LRRN2: variants seen among roughly 807,000 people sequenced by gnomAD.
LRRN2 encodes the protein leucine-rich repeat neuronal protein 2.
Under a neutral mutation model 35.7 loss-of-function variants are expected in LRRN2, and 10 were observed. That is an observed-to-expected ratio of 0.28 (90% CI 0.17 to 0.47). The LOEUF is 0.47. Ranked by LOEUF, LRRN2 falls within the 20% of genes least tolerant of loss-of-function variation. The probability of loss-of-function intolerance (pLI) is 0.99; values close to 1 mark genes in which losing one functional copy is unlikely to be tolerated. For missense variants in LRRN2, 731 were observed against 940.3 expected, an observed-to-expected ratio of 0.78 and a Z score of 2.91; for synonymous variants, 391 against 409.6, an observed-to-expected ratio of 0.95 and a Z score of 0.55.
In LRRN2 at chr1:204,619,710, G is replaced by GATTGGCC; in HGVS notation, c.276_282dup (p.Leu95GlyfsTer20). 2 of 1,614,218 alleles carry GATTGGCC rather than the reference G, an allele frequency of 1.2e-6. No homozygotes were observed. The highest frequency in any genetic ancestry group is 1.7e-6 in the Non-Finnish European group (2 of 1,180,008). On this transcript the variant is annotated frameshift_variant, in exon 2 of 2. Coordinates refer to ENST00000367177, the MANE Select transcript of LRRN2 (RefSeq NM_201630.2). LOFTEE classifies it high-confidence loss of function. ...TTCTGGGACAGGTCCAGCTCTGTGA[G>GATTGGCC]ATTGGCCAGGTAGCCCAGCTCACTC...
chr1:204,639,919 C>T (rs1667942345), intron 1 of LRRN2, among the ~76,000 whole-genome samples: 1 of 152,044 alleles, frequency 6.6e-6, no homozygotes, highest in African/African-American at 2.4e-5. Context: ...ATGTTACACA[C>T]ATACATACAC....
intron 1 of LRRN2, among the ~76,000 whole-genome samples, chr1:204,647,673 C>T (rs892726557): frequency 1.3e-5 from 2 of 152,044 alleles, no homozygotes; most frequent in Non-Finnish European, 2.9e-5. Context: ...GAAGCAAAGC[C>T]CAGATGGACG....
intron 1 of LRRN2, chr1:204,621,704 C>T (rs935284290): frequency 1.2e-5 from 2 of 167,112 alleles, no homozygotes; most frequent in African/African-American, 4.8e-5. Flanking sequence ...AGGAACCTAT[C>T]CAGTTTCTCT....
intron 1 of LRRN2, among the ~76,000 whole-genome samples, chr1:204,674,845 T>A (rs1668788694): frequency 6.6e-6 from 1 of 152,248 alleles, no homozygotes; most frequent in South Asian, 2.1e-4. Context: ...AGGTCAGGAC[T>A]GGAACTCAGA....
At chr1:204,641,916 A>G (rs1241245928) in intron 1 of LRRN2, among the ~76,000 whole-genome samples, 1 of 152,206 alleles carries the variant, frequency 6.6e-6, no homozygotes, top group African/African-American at 2.4e-5. Context: ...CCCACTCTCC[A>G]ATGCTGCAGG....
At chr1:204,681,500 C>T (rs1271283457) in intron 1 of LRRN2, among the ~76,000 whole-genome samples, 7 of 152,156 alleles carry the variant, frequency 4.6e-5, no homozygotes, top group Admixed American at 2.6e-4. Context: ...AGAGAGGTTA[C>T]GTGACCTGCT....
At chr1:204,648,734 A>G (rs1668162677) in intron 1 of LRRN2, among the ~76,000 whole-genome samples, 1 of 152,196 alleles carries the variant, frequency 6.6e-6, no homozygotes, top group Non-Finnish European at 1.5e-5. Flanking sequence ...AGAAATAAAT[A>G]AGACCCATCC....
rs1265023339 is a variant in LRRN2 at position 204,685,437 on chromosome 1, T to G, written c.-344A>C. ...GCGCCCTCCCGCCGCGCGCGCCGTCTGCACAGGCCGGGGAGGCTCGGCGGG... is the reference window on the plus strand; with the variant it reads ...GCGCCCTCCCGCCGCGCGCGCCGTCGGCACAGGCCGGGGAGGCTCGGCGGG... On this transcript the variant is annotated 5_prime_UTR_variant, in exon 1 of 2. Coordinates refer to ENST00000367177, the MANE Select transcript of LRRN2 (RefSeq NM_201630.2). 8 of 151,344 alleles carry G rather than the reference T, an allele frequency of 5.3e-5. No homozygotes were observed. The highest frequency in any genetic ancestry group is 1.0e-4 in the Non-Finnish European group (7 of 67,776). The allele number at this position is 151,344 out of a possible 1,614,324, so 9.4% of individuals were successfully genotyped here.
intron 1 of LRRN2, among the ~76,000 whole-genome samples, chr1:204,652,930 A>C (rs112809191): frequency 0.021 from 3,232 of 152,246 alleles, 103 homozygotes; most frequent in African/African-American, 0.06. Flanking sequence ...GGTCTTGCCT[A>C]TCCCACCAAC....
intron 1 of LRRN2, among the ~76,000 whole-genome samples, chr1:204,646,348 T>A (rs528371992): frequency 9.2e-5 from 14 of 152,288 alleles, no homozygotes; most frequent in Non-Finnish European, 1.9e-4. Context: ...TATTTTTCGT[T>A]TAGTTTTTAG....
intron 1 of LRRN2, among the ~76,000 whole-genome samples, chr1:204,625,931 C>G (rs770321819): frequency 4.6e-5 from 7 of 152,240 alleles, no homozygotes; most frequent in Non-Finnish European, 8.8e-5. Context: ...CCAGCATCCT[C>G]ATGGCCTGGG....
At chr1:204,633,217 AC>A (rs1164697887) in intron 1 of LRRN2, 5 of 152,314 alleles carry the variant, frequency 3.3e-5, no homozygotes, top group Non-Finnish European at 5.9e-5. Context: ...AGATGCTGGC[AC>A]CTTGTCTTGG....
intron 1 of LRRN2, among the ~76,000 whole-genome samples, chr1:204,627,792 C>T (rs1390238673): frequency 6.6e-6 from 1 of 152,162 alleles, no homozygotes; most frequent in Non-Finnish European, 1.5e-5. Flanking sequence ...TCCCATGATG[C>T]CCTAGTGTGC....
chr1:204,675,395 A>G (rs1668803130), intron 1 of LRRN2, among the ~76,000 whole-genome samples: 1 of 152,218 alleles, frequency 6.6e-6, no homozygotes, highest in Non-Finnish European at 1.5e-5. Flanking sequence ...GCTTCAAGCT[A>G]GGTGTCGGTA....
chr1:204,634,144 G>T (rs534813386), intron 1 of LRRN2, among the ~76,000 whole-genome samples: 33 of 152,348 alleles, frequency 2.2e-4, no homozygotes, highest in Admixed American at 2.0e-3. Flanking sequence ...GATTTTTACT[G>T]TCTGGGAATA....
chr1:204,673,223 C>G (rs1382957654), intron 1 of LRRN2, among the ~76,000 whole-genome samples: 1 of 152,198 alleles, frequency 6.6e-6, no homozygotes, highest in Non-Finnish European at 1.5e-5. Flanking sequence ...AGACTATTCT[C>G]AAATATTTAA....
intron 1 of LRRN2, among the ~76,000 whole-genome samples, chr1:204,675,733 A>T (rs1227589017): frequency 1.3e-5 from 2 of 152,240 alleles, no homozygotes; most frequent in Non-Finnish European, 2.9e-5. Flanking sequence ...GGATTAGTAT[A>T]TGGACATCTT....
chr1:204,684,030 C>T (rs573855564), intron 1 of LRRN2, among the ~76,000 whole-genome samples: 1 of 152,332 alleles, frequency 6.6e-6, no homozygotes, highest in South Asian at 2.1e-4. Flanking sequence ...ATGGGAGGAG[C>T]TCCTGGCCTT....
At chr1:204,645,027 C>T (rs1375532255) in intron 1 of LRRN2, among the ~76,000 whole-genome samples, 5 of 152,204 alleles carry the variant, frequency 3.3e-5, no homozygotes, top group African/African-American at 9.7e-5. Context: ...AGAGGGCTTT[C>T]GCCAGCTATC....
Sources: allele counts gnomAD v4.1 joint callset (sites outside exome capture counted in the v4.1 genomes callset), GRCh38; gene constraint gnomAD v4.1.1; transcripts MANE v1.5; gene names NCBI Gene and HGNC (gene_info 2026-07-23, HGNC 2026-07-21).